ZFYVE1: variants seen among roughly 807,000 people sequenced by gnomAD.
The protein encoded by ZFYVE1 is zinc finger FYVE domain-containing protein 1.
In ZFYVE1, 30 loss-of-function variants were observed where a neutral mutation model predicts 74.4. The observed-to-expected ratio is 0.40, with a 90% CI of 0.30 to 0.55. ZFYVE1 has a LOEUF of 0.55. Ranked by LOEUF, ZFYVE1 falls within the 20% of genes least tolerant of loss-of-function variation. The pLI, the probability that ZFYVE1 is intolerant of heterozygous loss-of-function variation, is 0.42. For synonymous variants in ZFYVE1, 335 were observed against 385.1 expected (o/e 0.87, Z 1.52); for missense variants, 703 against 1,011.6 (o/e 0.69, Z 4.14).
chr14:73,000,258 AT>A (rs1264596393), intron 2 of ZFYVE1, among the ~76,000 whole-genome samples: 1 of 152,196 alleles, frequency 6.6e-6, no homozygotes, highest in African/African-American at 2.4e-5. Context: ...GTCCTGAGTC[AT>A]TAGAGAAATG....
At chr14:72,995,079 T>TTTAC (rs955573737) in intron 3 of ZFYVE1, among the ~76,000 whole-genome samples, 7 of 152,178 alleles carry the variant, frequency 4.6e-5, no homozygotes, top group East Asian at 1.9e-4. Flanking sequence ...TATTTATTTA[T>TTTAC]TTACTTACTT....
At chr14:73,023,798 G>A (rs1894396028) in intron 2 of ZFYVE1, among the ~76,000 whole-genome samples, 1 of 152,148 alleles carries the variant, frequency 6.6e-6, no homozygotes, top group Non-Finnish European at 1.5e-5. Context: ...GAAGTAGGCT[G>A]TCCCCCATTT....
chr14:72,986,400 A>T (rs12323501), intron 4 of ZFYVE1, among the ~76,000 whole-genome samples: 4,788 of 151,924 alleles, frequency 0.032, 86 homozygotes, highest in Middle Eastern at 0.068. Context: ...TCACAGCCTG[A>T]CTAATGAATC....
intron 3 of ZFYVE1, among the ~76,000 whole-genome samples, chr14:72,996,311 A>G (rs748638762): frequency 2.0e-5 from 3 of 152,216 alleles, no homozygotes; most frequent in Non-Finnish European, 4.4e-5. Flanking sequence ...AAAAGATCAC[A>G]TTGGATGCTA....
At chr14:72,999,689 C>T (rs1893828439) in intron 2 of ZFYVE1, among the ~76,000 whole-genome samples, 1 of 152,122 alleles carries the variant, frequency 6.6e-6, no homozygotes, top group Non-Finnish European at 1.5e-5. Flanking sequence ...AGACACTCAA[C>T]AAGGCTGAGG....
chr14:72,988,711 G>T (rs1286942553), intron 4 of ZFYVE1, among the ~76,000 whole-genome samples: 2 of 150,540 alleles, frequency 1.3e-5, no homozygotes, highest in Non-Finnish European at 1.5e-5. Flanking sequence ...GGAGGCTGAG[G>T]CATGAGAATC....
intron 2 of ZFYVE1, among the ~76,000 whole-genome samples, chr14:73,015,604 G>A (rs1481855650): frequency 7.2e-5 from 11 of 152,138 alleles, no homozygotes; most frequent in Admixed American, 2.6e-4. Flanking sequence ...GGCTGCTCTC[G>A]AATTCCTGAC....
chr14:72,978,120 A>G lies in ZFYVE1; in HGVS notation c.1517+17T>C. ...CAAACGCACCAGAAAACCTTGAGCC[A>G]TGTTGTTTAAACTCACCCAGACCAG... is the stretch of plus-strand genomic sequence containing the variant. On this transcript the variant is annotated intron_variant, in intron 7 of 11. Coordinates refer to ENST00000556143, the MANE Select transcript of ZFYVE1 (RefSeq NM_021260.4). 1 of 1,614,076 alleles carries G rather than the reference A, an allele frequency of 6.2e-7. No individual in the cohort carries two copies. Among genetic ancestry groups the G allele is most frequent in the Non-Finnish European group, 8.5e-7 (1 of 1,179,950 alleles).
intron 4 of ZFYVE1, 38 bp from the exon 5 acceptor site, chr14:72,981,933 T>A (rs1893342688): frequency 1.3e-6 from 2 of 1,517,834 alleles, no homozygotes; most frequent in Non-Finnish European, 1.8e-6. Flanking sequence ...TGGCACTCAG[T>A]AGAGAGCTCC....
At chr14:72,987,712 G>A (rs939040286) in intron 4 of ZFYVE1, among the ~76,000 whole-genome samples, 1 of 152,210 alleles carries the variant, frequency 6.6e-6, no homozygotes, top group Non-Finnish European at 1.5e-5. Flanking sequence ...ATAGAGACCT[G>A]AGCATTTATT....
chr14:72,971,148 GCCCAATA>G (rs1368513221), intron 11 of ZFYVE1, 34 bp from the exon 12 acceptor site: 14 of 1,610,490 alleles, frequency 8.7e-6, no homozygotes, highest in Non-Finnish European at 1.2e-5. Flanking sequence ...GGCACCCAAA[GCCCAATA>G]CCCCGAGGCC....
intron 2 of ZFYVE1, among the ~76,000 whole-genome samples, chr14:73,016,511 C>CAAATAAAT (rs112168425): frequency 0.018 from 2,643 of 150,800 alleles, 57 homozygotes; most frequent in East Asian, 0.048. Flanking sequence ...GATTCCGTCT[C>CAAATAAAT]AAATAAATAA....
intron 2 of ZFYVE1, among the ~76,000 whole-genome samples, chr14:73,007,075 A>G (rs974355271): frequency 6.6e-6 from 1 of 152,114 alleles, no homozygotes; most frequent in Admixed American, 6.5e-5. Context: ...CTGCGACCCA[A>G]GCAGGCCAAG....
rs1894476406 is a variant in ZFYVE1, at chr14:73,026,919, A to T, written c.-435+7T>A. The T allele has an allele frequency of 1.1e-5, 4 of 376,980 alleles. No homozygotes were observed. The East Asian group carries it at 1.5e-4, about 14-fold the overall frequency. The allele number at this position is 376,980 out of a possible 1,614,324, so 23.4% of individuals were successfully genotyped here. A position where few individuals can be genotyped will look rare whatever the true frequency, so the allele number is the denominator to read the frequency against. ...CTGCCCTGCCCGCCGCGGCCCGGGGATCCCACCACTGAGAAGCTCGGCCGC... is the reference window on the plus strand; with the variant it reads ...CTGCCCTGCCCGCCGCGGCCCGGGGTTCCCACCACTGAGAAGCTCGGCCGC... On this transcript the variant is annotated splice_region_variant and intron_variant, in intron 1 of 11. Coordinates refer to ENST00000556143, the MANE Select transcript of ZFYVE1 (RefSeq NM_021260.4).
In ZFYVE1 at chr14:72,977,771, G is replaced by A. The variant is rs993924014; in HGVS notation, c.1635+156C>T. 3.9e-5 allele frequency among the ~76,000 whole-genome samples: 6 copies of A among 152,138 alleles called. No individual in the cohort carries two copies. The South Asian group carries it at 6.2e-4, about 16-fold the overall frequency. Reference sequence around the variant, plus strand: ...AAAAAATAAAAACAATTTTGGTCTAGAGAACAAAAAAGCTCTCCAGATCAT... The same window carrying A: ...AAAAAATAAAAACAATTTTGGTCTAAAGAACAAAAAAGCTCTCCAGATCAT... On this transcript the variant is annotated intron_variant, in intron 8 of 11. Coordinates refer to ENST00000556143, the MANE Select transcript of ZFYVE1 (RefSeq NM_021260.4).
At chr14:73,018,013 C>T (rs1374775918) in intron 2 of ZFYVE1, among the ~76,000 whole-genome samples, 2 of 152,222 alleles carry the variant, frequency 1.3e-5, no homozygotes, top group African/African-American at 4.8e-5. Flanking sequence ...TGCCAGCTCA[C>T]TCCAGCCACA....
chr14:73,018,288 G>A (rs901740799), intron 2 of ZFYVE1, among the ~76,000 whole-genome samples: 4 of 151,892 alleles, frequency 2.6e-5, no homozygotes, highest in Non-Finnish European at 5.9e-5. Flanking sequence ...AAGATTAGTC[G>A]GGTGTGTTGA....
At position 73,024,575 on chromosome 14, in the gene ZFYVE1, G is replaced by A. The variant is rs939389219; in HGVS notation, c.-67C>T. ...CTGAGCTTGCCCCGGGGGTGAAGAC[G>A]AAGATTTGAGTCTGAAGACTGCACG... On this transcript the variant is annotated 5_prime_UTR_variant, in exon 2 of 12. Coordinates refer to ENST00000556143, the MANE Select transcript of ZFYVE1 (RefSeq NM_021260.4). 23 of 1,516,986 alleles carry A rather than the reference G, an allele frequency of 1.5e-5. No individual in the cohort carries two copies. In the Admixed American group the frequency reaches 2.0e-4, roughly 13 times the overall value. The allele number at this position is 1,516,986 out of a possible 1,614,324, so 94.0% of individuals were successfully genotyped here.
intron 2 of ZFYVE1, among the ~76,000 whole-genome samples, chr14:73,018,368 T>C (rs1213622673): frequency 6.9e-6 from 1 of 144,282 alleles, no homozygotes; most frequent in African/African-American, 2.6e-5. Context: ...GAGGCGGAGG[T>C]TGCAGTGAGG....
Sources: allele counts gnomAD v4.1 joint callset (sites outside exome capture counted in the v4.1 genomes callset), GRCh38; gene constraint gnomAD v4.1.1; transcripts MANE v1.5; gene names NCBI Gene and HGNC (gene_info 2026-07-23, HGNC 2026-07-21).